The following NCALD variants were observed in gnomAD, a reference collection of about 807,000 sequenced individuals.
The protein encoded by NCALD is neurocalcin-delta.
A neutral mutation model predicts 18.6 loss-of-function variants in NCALD; 10 were observed. The observed-to-expected ratio is 0.54, with a 90% CI of 0.33 to 0.91. The LOEUF (loss-of-function observed/expected upper bound fraction) is 0.91, where lower values mean the gene tolerates loss of function less well. Ranked by LOEUF, NCALD falls within the 40% of genes least tolerant of loss-of-function variation. NCALD has a pLI of 0.03. For missense variants in NCALD, 184 were observed against 247.6 expected, an observed-to-expected ratio of 0.74 and a Z score of 1.72; for synonymous variants, 88 against 87.4, an observed-to-expected ratio of 1.01 and a Z score of -0.04.
intron 1 of NCALD, among the ~76,000 whole-genome samples, chr8:102,042,221 G>C (rs1024832243): frequency 6.6e-6 from 1 of 151,946 alleles, no homozygotes; most frequent in Admixed American, 6.5e-5. Context: ...GAACCAGTTA[G>C]AAGACAGAGA....
At chr8:101,930,008 TCA>T (rs1818514089) in intron 2 of NCALD, among the ~76,000 whole-genome samples, 1 of 151,936 alleles carries the variant, frequency 6.6e-6, no homozygotes, top group East Asian at 1.9e-4. Flanking sequence ...TGAGCCAAGA[TCA>T]CACCACTGCA....
intron 2 of NCALD, among the ~76,000 whole-genome samples, chr8:101,920,939 G>A (rs904090857): frequency 1.3e-5 from 2 of 152,124 alleles, no homozygotes; most frequent in Admixed American, 6.5e-5. Flanking sequence ...AGGAAATTAC[G>A]ATAAAATGAG....
At chr8:102,049,900 C>T (rs549617122) in intron 1 of NCALD, among the ~76,000 whole-genome samples, 61 of 151,966 alleles carry the variant, frequency 4.0e-4, no homozygotes, top group African/African-American at 1.4e-3. Context: ...CGGTGGCTCA[C>T]GCCTGTAATC....
chr8:102,056,153 C>T (rs1823642457), intron 1 of NCALD, among the ~76,000 whole-genome samples: 1 of 152,116 alleles, frequency 6.6e-6, no homozygotes, highest in African/African-American at 2.4e-5. Flanking sequence ...AAAATAATAT[C>T]ATAAGACATA....
intron 4 of NCALD, among the ~76,000 whole-genome samples, chr8:101,814,298 C>T (rs1813413770): frequency 6.6e-6 from 1 of 152,008 alleles, no homozygotes; most frequent in Admixed American, 6.6e-5. Context: ...AAATTATACT[C>T]CATAACCACA....
rs866350072 is a variant in NCALD, at chr8:101,828,320, C to A, written c.-20+58821G>T. ...CTCTGCCCAGCTTGCCAGCCCCGCTCCCGATTACTACCCCGATTCAATGCT... is the reference window on the plus strand; with the variant it reads ...CTCTGCCCAGCTTGCCAGCCCCGCTACCGATTACTACCCCGATTCAATGCT... On this transcript the variant is annotated intron_variant, in intron 4 of 6. Transcript: ENST00000311028. Among the ~76,000 whole-genome samples, 34 of 152,268 alleles carry A rather than the reference C, an allele frequency of 2.2e-4. No individual in the cohort carries two copies. The South Asian group carries it at 2.7e-3, about 12-fold the overall frequency.
At chr8:101,762,557 T>C (rs1811156366) in intron 1 of NCALD, among the ~76,000 whole-genome samples, 1 of 151,840 alleles carries the variant, frequency 6.6e-6, no homozygotes, top group African/African-American at 2.4e-5. Context: ...AAATCAGCAC[T>C]GGTCTACAGA....
chr8:101,966,690 T>C (rs1411753158), intron 2 of NCALD, among the ~76,000 whole-genome samples: 2 of 152,138 alleles, frequency 1.3e-5, no homozygotes, highest in Non-Finnish European at 2.9e-5. Context: ...CTAGACCTTT[T>C]TGACATAGGT....
chr8:102,088,067 A>G (rs1229102193), intron 1 of NCALD, among the ~76,000 whole-genome samples: 1 of 152,208 alleles, frequency 6.6e-6, no homozygotes, highest in African/African-American at 2.4e-5. Context: ...GTCTTTCTGT[A>G]TCTTTCTGTC....
intron 2 of NCALD, among the ~76,000 whole-genome samples, chr8:101,702,805 A>G (rs1414218728): frequency 6.6e-6 from 1 of 152,252 alleles, no homozygotes; most frequent in African/African-American, 2.4e-5. Context: ...ACGATGCTAT[A>G]AAGGTGTCTC....
intron 1 of NCALD, among the ~76,000 whole-genome samples, chr8:101,783,175 A>C (rs889520495): frequency 1.3e-5 from 2 of 152,202 alleles, no homozygotes; most frequent in African/African-American, 4.8e-5. Context: ...GAGTTAACAA[A>C]TGCTGAATGA....
chr8:102,085,953 A>G (rs534852273), intron 1 of NCALD, among the ~76,000 whole-genome samples: 15 of 152,002 alleles, frequency 9.9e-5, no homozygotes, highest in Non-Finnish European at 2.1e-4. Flanking sequence ...CTGATTTCCT[A>G]TTTTCTTTGT....
At chr8:102,002,123 AG>A (rs1477037107) in intron 2 of NCALD, among the ~76,000 whole-genome samples, 2 of 152,208 alleles carry the variant, frequency 1.3e-5, no homozygotes, top group Non-Finnish European at 2.9e-5. Context: ...TGCTGTATTC[AG>A]GAAACCCATC....
chr8:102,055,278 C>T lies in NCALD; in HGVS notation c.-209-34989G>A, dbSNP rs117606081. On this transcript the variant is annotated intron_variant, in intron 1 of 6. Coordinates refer to the NCALD transcript ENST00000311028. Reference sequence around the variant, plus strand: ...AAAAAAAAAAAAAAGAAGAAGAAGCCGGTGGGGCCATGCCTAGTACTTTGG... The same window carrying T: ...AAAAAAAAAAAAAAGAAGAAGAAGCTGGTGGGGCCATGCCTAGTACTTTGG... 4.4e-3 allele frequency among the ~76,000 whole-genome samples: 665 copies of T among 151,252 alleles called. 3 individuals are homozygous for T. Among genetic ancestry groups the T allele is most frequent in the Non-Finnish European group, 6.9e-3 (466 of 67,784 alleles).
At chr8:102,029,590 G>A (rs1228007447) in intron 1 of NCALD, among the ~76,000 whole-genome samples, 1 of 152,164 alleles carries the variant, frequency 6.6e-6, no homozygotes, top group East Asian at 1.9e-4. Flanking sequence ...TATTTCTCCT[G>A]TCAACGTTTC....
chr8:101,845,444 T>C (rs1247999220), intron 4 of NCALD, among the ~76,000 whole-genome samples: 2 of 152,162 alleles, frequency 1.3e-5, no homozygotes, highest in Non-Finnish European at 2.9e-5. Context: ...AGATGGATAT[T>C]ATGGGATGAC....
chr8:101,844,141 G>C (rs1353751049), intron 4 of NCALD, among the ~76,000 whole-genome samples: 1 of 152,128 alleles, frequency 6.6e-6, no homozygotes, highest in Non-Finnish European at 1.5e-5. Context: ...CCTGGGCCAA[G>C]AGAATTCAAG....
chr8:101,813,856 CT>C (rs199538007), intron 4 of NCALD, among the ~76,000 whole-genome samples: 2,130 of 152,170 alleles, frequency 0.014, 22 homozygotes, highest in Non-Finnish European at 0.023. Flanking sequence ...AAAAGACCCC[CT>C]ATCCTTCCCC....
intron 1 of NCALD, among the ~76,000 whole-genome samples, chr8:101,763,966 C>CTCTCTCTCTA (rs1491550100): frequency 2.1e-4 from 18 of 85,296 alleles, no homozygotes; most frequent in African/African-American, 6.7e-4. Context: ...CTCTCTCTCT[C>CTCTCTCTCTA]CACACACACA....
Sources: allele counts gnomAD v4.1 joint callset (sites outside exome capture counted in the v4.1 genomes callset), GRCh38; gene constraint gnomAD v4.1.1; transcripts MANE v1.5; gene names NCBI Gene and HGNC (gene_info 2026-07-23, HGNC 2026-07-21).